OR14A2: variants seen among roughly 807,000 people sequenced by gnomAD.
OR14A2 encodes the protein olfactory receptor 14A2.
For synonymous variants in OR14A2, 114 were observed against 58.6 expected, an observed-to-expected ratio of 1.95 and a Z score of -4.32; for missense variants, 237 against 152.9, an observed-to-expected ratio of 1.55 and a Z score of -2.90.
exon 1 of OR14A2, chr1:247,723,485 A>G: frequency 8.4e-6 from 6 of 717,832 alleles, no homozygotes; most frequent in Non-Finnish European, 1.3e-5. Context: ...GTTTCAGAAC[A>G]GGAAATCCTT....
the OR14A2 span, among the ~76,000 whole-genome samples, chr1:247,741,642 T>A: frequency 6.6e-6 from 1 of 152,080 alleles, no homozygotes; most frequent in Non-Finnish European, 1.5e-5. Context: ...ACAATCAAAG[T>A]TTCAATGGAA....
At chr1:247,736,051 C>T in the OR14A2 span, among the ~76,000 whole-genome samples, 3 of 151,260 alleles carry the variant, frequency 2.0e-5, no homozygotes, top group East Asian at 1.9e-4. Context: ...AAACATTTTC[C>T]GGGGCTGAAG....
At chr1:247,746,391 G>A in the OR14A2 span, 13 of 152,158 alleles carry the variant, frequency 8.5e-5, no homozygotes, top group African/African-American at 2.9e-4. Flanking sequence ...ATCCACTAGC[G>A]GAATTCAGAA....
chr1:247,732,897 G>C, the OR14A2 span, among the ~76,000 whole-genome samples: 1 of 152,026 alleles, frequency 6.6e-6, no homozygotes, highest in Non-Finnish European at 1.5e-5. Flanking sequence ...TATGTTTGTA[G>C]TAAAGTCTTT....
downstream of OR14A2, chr1:247,722,989 A>C: frequency 1.6e-6 from 1 of 616,672 alleles, no homozygotes; most frequent in Non-Finnish European, 2.9e-6. Flanking sequence ...CTTCAGGGAA[A>C]AAATAATTTG....
chr1:247,733,270 T>C, the OR14A2 span, among the ~76,000 whole-genome samples: 5 of 152,190 alleles, frequency 3.3e-5, no homozygotes, highest in Non-Finnish European at 7.3e-5. Context: ...GAAAAGTGAA[T>C]AGATACACTT....
the OR14A2 span, among the ~76,000 whole-genome samples, chr1:247,736,162 TC>T: frequency 4.7e-5 from 6 of 128,444 alleles, no homozygotes; most frequent in African/African-American, 1.8e-4. Flanking sequence ...TCCCCTCCCC[TC>T]CCCTCCCCTC....
At chr1:247,738,946 G>T in the OR14A2 span, 1 of 780,430 alleles carries the variant, frequency 1.3e-6, no homozygotes, top group African/African-American at 1.7e-5. Context: ...TCAGAGATTG[G>T]CATCCTTACT....
the OR14A2 span, among the ~76,000 whole-genome samples, chr1:247,734,300 G>A: frequency 6.6e-6 from 1 of 152,164 alleles, no homozygotes; most frequent in Non-Finnish European, 1.5e-5. Context: ...CCGAGGAGAA[G>A]ATTCAGAGGA....
exon 1 of OR14A2, chr1:247,723,347 A>G (rs1360489570): frequency 1.4e-6 from 1 of 717,432 alleles, no homozygotes; most frequent in Non-Finnish European, 2.6e-6. Context: ...AAAGCTTTGG[A>G]CTGACCTTTA....
chr1:247,735,211 AAAAG>A, the OR14A2 span, among the ~76,000 whole-genome samples: 6 of 152,182 alleles, frequency 3.9e-5, no homozygotes, highest in Non-Finnish European at 7.3e-5. Context: ...GTGAGAGGAG[AAAAG>A]AAAGATCCAA....
the OR14A2 span, among the ~76,000 whole-genome samples, chr1:247,729,526 T>A: frequency 1.3e-5 from 2 of 152,132 alleles, no homozygotes; most frequent in African/African-American, 2.4e-5. Context: ...CCCTTTAGAC[T>A]TAAGAGTTTA....
chr1:247,727,635 C>T (rs1463913172), upstream of OR14A2, among the ~76,000 whole-genome samples: 1 of 148,074 alleles, frequency 6.8e-6, no homozygotes. Flanking sequence ...AATCCAGGAG[C>T]TGGTTTTTTG....
At chr1:247,743,093 T>C in the OR14A2 span, among the ~76,000 whole-genome samples, 1 of 152,228 alleles carries the variant, frequency 6.6e-6, no homozygotes, top group Non-Finnish European at 1.5e-5. Context: ...TATGGAAATC[T>C]ATTTTTTTCC....
At chr1:247,731,620 A>G in the OR14A2 span, among the ~76,000 whole-genome samples, 2 of 151,692 alleles carry the variant, frequency 1.3e-5, no homozygotes, top group African/African-American at 2.4e-5. Flanking sequence ...TATATGCTCT[A>G]TCTTCAATGT....
chr1:247,736,542 G>A, the OR14A2 span, among the ~76,000 whole-genome samples: 1 of 152,142 alleles, frequency 6.6e-6, no homozygotes, highest in Non-Finnish European at 1.5e-5. Context: ...TCATATGTAA[G>A]CATGTGAAAT....
chr1:247,725,248 G>T (rs1660309826), upstream of OR14A2, among the ~76,000 whole-genome samples: 1 of 152,004 alleles, frequency 6.6e-6, no homozygotes, highest in Non-Finnish European at 1.5e-5. Flanking sequence ...TAGAGAAGAT[G>T]CTTTAGGAAA....
the OR14A2 span, among the ~76,000 whole-genome samples, chr1:247,743,882 A>G: frequency 6.6e-6 from 1 of 152,170 alleles, no homozygotes; most frequent in Non-Finnish European, 1.5e-5. Flanking sequence ...TTATTTTTCT[A>G]ACCTCACGAG....
the OR14A2 span, among the ~76,000 whole-genome samples, chr1:247,741,132 C>G: frequency 6.6e-6 from 1 of 152,166 alleles, no homozygotes; most frequent in African/African-American, 2.4e-5. Flanking sequence ...ACATATTTCT[C>G]TGTCTCTAAA....
Sources: gnomAD v4.1 joint callset for allele counts (sites outside exome capture counted in the v4.1 genomes callset) on GRCh38, gnomAD v4.1.1 for gene constraint, MANE v1.5 for transcripts, NCBI Gene and HGNC (gene_info 2026-07-23, HGNC 2026-07-21) for gene names.